CDH8: variants seen among roughly 807,000 people sequenced by gnomAD.
CDH8 encodes cadherin-8.
CDH8 carries 17 observed loss-of-function variants against 68.1 expected under a neutral mutation model. That is an observed-to-expected ratio of 0.25 (90% CI 0.17 to 0.37). The LOEUF (loss-of-function observed/expected upper bound fraction) is 0.37, where lower values mean the gene tolerates loss of function less well. CDH8 is among the 10% of genes least tolerant of loss of function. CDH8 has a pLI of 1.00. For missense variants in CDH8, 763 were observed against 999.3 expected (o/e 0.76, Z 3.19); for synonymous variants, 372 against 365.1 (o/e 1.02, Z -0.21).
At chr16:61,824,527 G>A (rs915972629) in intron 5 of CDH8, among the ~76,000 whole-genome samples, 2 of 151,916 alleles carry the variant, frequency 1.3e-5, no homozygotes, top group African/African-American at 4.8e-5. Flanking sequence ...CCAAGGCAGA[G>A]TATGGCTTTA....
intron 8 of CDH8, among the ~76,000 whole-genome samples, chr16:61,783,732 G>A (rs377608411): frequency 3.8e-4 from 58 of 151,482 alleles, no homozygotes; most frequent in African/African-American, 1.2e-3. Flanking sequence ...GACTAACAGC[G>A]GATCTCTCGG....
rs1030020028 is a variant in CDH8 at position 61,654,180 on chromosome 16, G to C, written c.1907-79C>G. The C allele has an allele frequency of 5.4e-5, 73 of 1,350,984 alleles. 1 individual carries two copies. In the Admixed American group the frequency reaches 6.1e-4, roughly 11 times the overall value. 83.7% of individuals were successfully genotyped at this position (1,350,984 alleles called of 1,614,324 possible). ...GCAACACACTATATATGTTAGGAGAGAGGGGTATTTTTACAAAATTGTATG... is the reference window on the plus strand; with the variant it reads ...GCAACACACTATATATGTTAGGAGACAGGGGTATTTTTACAAAATTGTATG... On this transcript the variant is annotated intron_variant, in intron 11 of 11. Transcript: ENST00000577390.
intron 8 of CDH8, among the ~76,000 whole-genome samples, chr16:61,754,808 A>T (rs1162723430): frequency 6.6e-6 from 1 of 152,058 alleles, no homozygotes; most frequent in African/African-American, 2.4e-5. Context: ...GGACATATGC[A>T]GGTTACCTGG....
At chr16:61,704,213 T>C (rs1964488961) in intron 10 of CDH8, among the ~76,000 whole-genome samples, 1 of 152,208 alleles carries the variant, frequency 6.6e-6, no homozygotes, top group Non-Finnish European at 1.5e-5. Context: ...AGCTTTCTCA[T>C]TTTGAAAGAT....
rs977626658 is a variant in CDH8, at chr16:61,704,530, A to G, written c.1654+9311T>C. Among the ~76,000 whole-genome samples the G allele has an allele frequency of 2.6e-5, 4 of 152,202 alleles. No individual in the cohort carries two copies. In the South Asian group the frequency reaches 8.3e-4, roughly 31 times the overall value. On this transcript the variant is annotated intron_variant, in intron 10 of 11. Transcript: ENST00000577390. Reference sequence around the variant, plus strand: ...TTCTATGGTAAAGATCACTTCCATGATTTTTGAAAGTTAAAAAAATGAGAA... The same window carrying G: ...TTCTATGGTAAAGATCACTTCCATGGTTTTTGAAAGTTAAAAAAATGAGAA...
At chr16:61,935,479 G>C (rs995207146) in intron 2 of CDH8, among the ~76,000 whole-genome samples, 3 of 152,078 alleles carry the variant, frequency 2.0e-5, no homozygotes, top group Non-Finnish European at 4.4e-5. Flanking sequence ...ATATAGTATT[G>C]AGAATGGAAC....
At chr16:61,751,539 G>A (rs1419037500) in intron 8 of CDH8, among the ~76,000 whole-genome samples, 4 of 151,950 alleles carry the variant, frequency 2.6e-5, no homozygotes, top group African/African-American at 9.7e-5. Flanking sequence ...CTGTCTTGAT[G>A]TGCTTAAAGT....
At chr16:61,774,550 G>A (rs1960859839) in intron 8 of CDH8, among the ~76,000 whole-genome samples, 1 of 151,592 alleles carries the variant, frequency 6.6e-6, no homozygotes, top group African/African-American at 2.4e-5. Context: ...AGCTGTCTAG[G>A]GTATATTTAA....
rs1491267209 is a variant in CDH8, at chr16:61,960,377, A to ATGTG, written c.253-58908_253-58905dup. Among the ~76,000 whole-genome samples, 2 of 62,676 alleles carry ATGTG rather than the reference A, an allele frequency of 3.2e-5. 1 individual carries two copies. The highest frequency in any genetic ancestry group is 5.8e-5 in the Non-Finnish European group (2 of 34,214). 41.1% of individuals were successfully genotyped at this position (62,676 alleles called of 152,430 possible). On this transcript the variant is annotated intron_variant, in intron 2 of 11. Coordinates refer to ENST00000577390, the MANE Select transcript of CDH8 (RefSeq NM_001796.5). The stretch of plus-strand genomic sequence containing the variant: ...TGTGTGTATACACATACATATATAC[A>ATGTG]TGTGTGTGTGTATACACATACATAT...
In CDH8 at chr16:62,025,147, G is replaced by T. The variant is rs143785762; in HGVS notation, c.-199-3545C>A. Among the ~76,000 whole-genome samples the T allele has an allele frequency of 2.3e-3, 354 of 152,126 alleles. 2 individuals are homozygous for T. Among genetic ancestry groups the T allele is most frequent in the Non-Finnish European group, 4.1e-3 (279 of 68,006 alleles). Reference sequence around the variant, plus strand: ...AATAGAATTAACCAACTGAGAAGGGGGTATAAGTGAAAGAACATTTCAGTC... The same window carrying T: ...AATAGAATTAACCAACTGAGAAGGGTGTATAAGTGAAAGAACATTTCAGTC... On this transcript the variant is annotated intron_variant, in intron 1 of 11. Transcript: ENST00000577390.
At chr16:61,709,135 A>G (rs910959168) in intron 10 of CDH8, among the ~76,000 whole-genome samples, 1 of 152,060 alleles carries the variant, frequency 6.6e-6, no homozygotes, top group African/African-American at 2.4e-5. Context: ...AGGACACTTG[A>G]ACAAGAGATG....
intron 8 of CDH8, among the ~76,000 whole-genome samples, chr16:61,762,653 C>G (rs1960499177): frequency 6.6e-6 from 1 of 152,158 alleles, no homozygotes; most frequent in Non-Finnish European, 1.5e-5. Flanking sequence ...ACCAAGTAAT[C>G]TGTAATAGTC....
At chr16:61,925,812 AT>A (rs764891345) in intron 2 of CDH8, among the ~76,000 whole-genome samples, 3 of 152,130 alleles carry the variant, frequency 2.0e-5, no homozygotes, top group Non-Finnish European at 2.9e-5. Flanking sequence ...CTTCTGAAGT[AT>A]TTTTTTAGCA....
intron 2 of CDH8, among the ~76,000 whole-genome samples, chr16:61,945,236 T>C (rs1337330915): frequency 6.6e-6 from 1 of 152,120 alleles, no homozygotes; most frequent in African/African-American, 2.4e-5. Flanking sequence ...AACAGGGTCA[T>C]TGTGAAGATT....
rs35171683 is a variant in CDH8, at chr16:61,899,831, G to GAC, written c.547+1346_547+1347dup. 5.1e-3 allele frequency among the ~76,000 whole-genome samples: 753 copies of GAC among 147,324 alleles called. 9 individuals are homozygous for GAC. The highest frequency in any genetic ancestry group is 0.028 in the East Asian group (140 of 4,938). ...TAATTTCCATCAGGAATGTTATAAA[G>GAC]ACACACACACACACACACACACACA... On this transcript the variant is annotated intron_variant, in intron 3 of 11. Transcript: ENST00000577390.
intron 10 of CDH8, among the ~76,000 whole-genome samples, chr16:61,678,041 G>A (rs1017683399): frequency 2.6e-5 from 4 of 151,950 alleles, no homozygotes; most frequent in Admixed American, 1.3e-4. Context: ...TGGTAATCCC[G>A]ACGTTCCTTT....
At chr16:61,880,225 T>C (rs1963545745) in intron 3 of CDH8, among the ~76,000 whole-genome samples, 1 of 152,108 alleles carries the variant, frequency 6.6e-6, no homozygotes, top group African/African-American at 2.4e-5. Flanking sequence ...TGCCCGGCCA[T>C]ATAATATGAA....
intron 2 of CDH8, among the ~76,000 whole-genome samples, chr16:61,909,095 G>GA (rs926961046): frequency 1.4e-4 from 21 of 147,336 alleles, no homozygotes; most frequent in South Asian, 4.3e-4. Context: ...TCTGCTCTAC[G>GA]AAAAAAAAAA....
chr16:61,764,760 A>G (rs12447953), intron 8 of CDH8, among the ~76,000 whole-genome samples: 1 of 152,106 alleles, frequency 6.6e-6, no homozygotes, highest in Non-Finnish European at 1.5e-5. Flanking sequence ...AAATATAGAT[A>G]CAGATATACA....
Sources: gnomAD v4.1 joint callset for allele counts (sites outside exome capture counted in the v4.1 genomes callset) on GRCh38, gnomAD v4.1.1 for gene constraint, MANE v1.5 for transcripts, NCBI Gene and HGNC (gene_info 2026-07-23, HGNC 2026-07-21) for gene names.